SEMA5A: variants seen among roughly 807,000 people sequenced by gnomAD.
SEMA5A encodes the protein semaphorin-5A.
Under a neutral mutation model 135.5 loss-of-function variants are expected in SEMA5A, and 55 were observed. That is an observed-to-expected ratio of 0.41 (90% CI 0.33 to 0.51). SEMA5A has a LOEUF of 0.51. Among genes scored for constraint, SEMA5A ranks in the 20% least tolerant of loss-of-function variants. The pLI is 0.37. For missense variants in SEMA5A, 1,290 were observed against 1,419.9 expected, an observed-to-expected ratio of 0.91 and a Z score of 1.47; for synonymous variants, 580 against 546.5, an observed-to-expected ratio of 1.06 and a Z score of -0.85.
intron 6 of SEMA5A, among the ~76,000 whole-genome samples, chr5:9,229,166 A>G (rs1283082018): frequency 6.6e-6 from 1 of 152,202 alleles, no homozygotes; most frequent in Non-Finnish European, 1.5e-5. Context: ...AGTAATAGTA[A>G]CCACTTATCA....
intron 13 of SEMA5A, among the ~76,000 whole-genome samples, chr5:9,126,556 C>A (rs374696609): frequency 4.5e-4 from 62 of 136,510 alleles, no homozygotes; most frequent in African/African-American, 5.2e-4. Context: ...GGAATGACAG[C>A]AAAAAAAAAA....
In SEMA5A at chr5:9,038,142, T is replaced by C. The variant is rs993893096; in HGVS notation, c.*4755A>G. 6 of 152,234 alleles carry C rather than the reference T, an allele frequency of 3.9e-5. No individual in the cohort carries two copies. The highest frequency in any genetic ancestry group is 8.8e-5 in the Non-Finnish European group (6 of 68,036). 9.4% of individuals were successfully genotyped at this position (152,234 alleles called of 1,614,324 possible). On this transcript the variant is annotated 3_prime_UTR_variant, in exon 23 of 23. Transcript: ENST00000382496. ...AAGAAGTTAGGATGAACAAATGGGC[T>C]AGGCAAGGCCAAGGCCATCTGTAAA...
intron 2 of SEMA5A, among the ~76,000 whole-genome samples, chr5:9,401,472 T>C (rs1360097857): frequency 1.3e-5 from 2 of 152,154 alleles, no homozygotes; most frequent in African/African-American, 2.4e-5. Flanking sequence ...GCCTCAATCT[T>C]ATGACACCTG....
chr5:9,494,044 T>A (rs1735173391), intron 1 of SEMA5A, among the ~76,000 whole-genome samples: 1 of 152,234 alleles, frequency 6.6e-6, no homozygotes, highest in African/African-American at 2.4e-5. Flanking sequence ...TATCTGGACC[T>A]GTACTTCAAA....
intron 1 of SEMA5A, among the ~76,000 whole-genome samples, chr5:9,509,433 C>A (rs1405609586): frequency 6.6e-6 from 1 of 151,980 alleles, no homozygotes; most frequent in African/African-American, 2.4e-5. Flanking sequence ...CACCACCACG[C>A]CCGGCTAATT....
chr5:9,478,531 A>G (rs1759756897), intron 1 of SEMA5A, among the ~76,000 whole-genome samples: 1 of 152,222 alleles, frequency 6.6e-6, no homozygotes, highest in Non-Finnish European at 1.5e-5. Context: ...CCCTTGCATC[A>G]GTGTGCCCTG....
At chr5:9,272,476 G>A (rs116443679) in intron 5 of SEMA5A, among the ~76,000 whole-genome samples, 1,734 of 152,244 alleles carry the variant, frequency 0.011, 33 homozygotes, top group African/African-American at 0.039. Flanking sequence ...GCTCTGAAGA[G>A]AACAGAGATC....
intron 2 of SEMA5A, among the ~76,000 whole-genome samples, chr5:9,420,404 C>A (rs1036793786): frequency 6.6e-6 from 1 of 152,064 alleles, no homozygotes; most frequent in African/African-American, 2.4e-5. Flanking sequence ...ACACAGGGAG[C>A]CTTTTTGACT....
chr5:9,373,336 T>C (rs42192), intron 3 of SEMA5A, among the ~76,000 whole-genome samples: 48,028 of 152,062 alleles, frequency 0.32, 7,781 homozygotes, highest in South Asian at 0.36. Context: ...TCACTGTTTT[T>C]TCAATCATCT....
chr5:9,147,944 C>A (rs1742431758), intron 12 of SEMA5A, among the ~76,000 whole-genome samples: 1 of 152,040 alleles, frequency 6.6e-6, no homozygotes, highest in Admixed American at 6.6e-5. Flanking sequence ...AGCTGGATAC[C>A]AGGCTGGGGG....
intron 3 of SEMA5A, among the ~76,000 whole-genome samples, chr5:9,345,249 T>C (rs866563807): frequency 2.1e-4 from 32 of 152,154 alleles, no homozygotes; most frequent in African/African-American, 7.7e-4. Flanking sequence ...AGGAAAAATA[T>C]CAAACATGTT....
chr5:9,315,321 C>G (rs998307849), intron 5 of SEMA5A, among the ~76,000 whole-genome samples: 1 of 152,080 alleles, frequency 6.6e-6, no homozygotes, highest in Non-Finnish European at 1.5e-5. Flanking sequence ...GAAATGATAT[C>G]CATTATCCCT....
chr5:9,522,425 A>G (rs1332134846), intron 1 of SEMA5A, among the ~76,000 whole-genome samples: 2 of 152,116 alleles, frequency 1.3e-5, no homozygotes, highest in Non-Finnish European at 2.9e-5. Flanking sequence ...TCTACTAAAA[A>G]TACAAACATT....
At chr5:9,388,898 C>CAAAAAAAA (rs111310656) in intron 2 of SEMA5A, among the ~76,000 whole-genome samples, 1 of 136,588 alleles carries the variant, frequency 7.3e-6, no homozygotes, top group African/African-American at 2.7e-5. Flanking sequence ...GACTCCGTCT[C>CAAAAAAAA]AAAAAAAAAA....
At chr5:9,254,597 T>C (rs1269088864) in intron 5 of SEMA5A, among the ~76,000 whole-genome samples, 2 of 152,138 alleles carry the variant, frequency 1.3e-5, no homozygotes, top group African/African-American at 4.8e-5. Flanking sequence ...ACCATGGTGT[T>C]TCATACAGGA....
At chr5:9,300,904 A>T (rs1313618599) in intron 5 of SEMA5A, among the ~76,000 whole-genome samples, 1 of 152,202 alleles carries the variant, frequency 6.6e-6, no homozygotes, top group African/African-American at 2.4e-5. Context: ...CTTCAAAGGG[A>T]GTGGAGCCCT....
intron 12 of SEMA5A, among the ~76,000 whole-genome samples, chr5:9,147,728 A>C (rs1334536059): frequency 6.6e-6 from 1 of 150,940 alleles, no homozygotes; most frequent in African/African-American, 2.4e-5. Flanking sequence ...ACAAACCAAA[A>C]AAAAAAAAAA....
chr5:9,476,352 G>A (rs935410110), intron 1 of SEMA5A, among the ~76,000 whole-genome samples: 1 of 151,964 alleles, frequency 6.6e-6, no homozygotes, highest in Non-Finnish European at 1.5e-5. Flanking sequence ...CATGTTGGGG[G>A]TTTACTTTTT....
intron 11 of SEMA5A, among the ~76,000 whole-genome samples, chr5:9,179,139 A>G (rs1415583143): frequency 6.6e-6 from 1 of 152,234 alleles, no homozygotes. Context: ...TTGTATAAGC[A>G]AGAGGACAGC....
Sources: gnomAD v4.1 joint callset for allele counts (sites outside exome capture counted in the v4.1 genomes callset) on GRCh38, gnomAD v4.1.1 for gene constraint, MANE v1.5 for transcripts, NCBI Gene and HGNC (gene_info 2026-07-23, HGNC 2026-07-21) for gene names.